Variants in NTRK2 observed in about 807,000 individuals in gnomAD.
NTRK2 encodes BDNF/NT-3 growth factors receptor.
In NTRK2, 13 loss-of-function variants were observed where a neutral mutation model predicts 94.5. That is an observed-to-expected ratio of 0.14 (90% CI 0.09 to 0.22). NTRK2 has a LOEUF of 0.22. Among genes scored for constraint, NTRK2 ranks in the 10% least tolerant of loss-of-function variants. NTRK2 has a pLI of 1.00. For synonymous variants in NTRK2, 372 were observed against 407.4 expected (o/e 0.91, Z 1.05); for missense variants, 639 against 1,071.2 (o/e 0.60, Z 5.63).
chr9:84,742,003 G>T, intron 10 of NTRK2, 76 bp downstream of exon 10: 1 of 1,281,238 alleles, frequency 7.8e-7, no homozygotes. Context: ...ACTGAAAGAA[G>T]ACTCTTCTAA....
intron 14 of NTRK2, chr9:84,873,997 A>ATT (rs2075971346): frequency 9.4e-7 from 1 of 1,063,882 alleles, no homozygotes; most frequent in Non-Finnish European, 1.1e-6. Flanking sequence ...ATTTCAGTCC[A>ATT]ATTTCACCAA....
In NTRK2 at chr9:84,724,221, T is replaced by C. The variant is rs1470340994; in HGVS notation, c.721-3T>C. The C allele has an allele frequency of 1.2e-6, 2 of 1,613,998 alleles. No homozygotes were observed. The highest frequency in any genetic ancestry group is 2.2e-5 in the East Asian group (1 of 44,896). On this transcript the variant is annotated splice_region_variant and splice_polypyrimidine_tract_variant and intron_variant, in intron 7 of 18. Transcript: ENST00000277120. ...TTATTTTTGTCTGTTAATTCATTTG[T>C]AGAATGAAACAAGCCACACACAGGG...
At chr9:84,825,022 G>A (rs146950672) in intron 12 of NTRK2, among the ~76,000 whole-genome samples, 18 of 150,374 alleles carry the variant, frequency 1.2e-4, no homozygotes, top group East Asian at 3.9e-4. Context: ...AGTTCATCAC[G>A]TGTTCCCAGA....
rs887533198 is a variant in NTRK2, at chr9:85,026,726, A to G, written c.*5289A>G. 1.3e-5 allele frequency: 3 copies of G among 232,940 alleles called. No homozygotes were observed. The highest frequency in any genetic ancestry group is 1.2e-3 in the Middle Eastern group (1 of 804). 14.4% of individuals were successfully genotyped at this position (232,940 alleles called of 1,614,324 possible). On this transcript the variant is annotated 3_prime_UTR_variant, in exon 19 of 19. Transcript: ENST00000277120. ...CCAGGCCGTATACACACACATTTCC[A>G]TATCTCTCTACAGATATATTTCCCC...
intron 14 of NTRK2, among the ~76,000 whole-genome samples, chr9:84,921,078 T>C (rs369679232): frequency 9.2e-5 from 14 of 152,196 alleles, no homozygotes; most frequent in African/African-American, 3.4e-4. Flanking sequence ...TCACTGAAGC[T>C]CTCCCAGGAG....
At chr9:84,719,713 A>G (rs964883159) in intron 6 of NTRK2, among the ~76,000 whole-genome samples, 1 of 152,060 alleles carries the variant, frequency 6.6e-6, no homozygotes, top group Non-Finnish European at 1.5e-5. Context: ...AGATAAATCT[A>G]TAAATATAGA....
intron 17 of NTRK2, among the ~76,000 whole-genome samples, chr9:85,005,745 A>G (rs1564543944): frequency 6.6e-6 from 1 of 152,074 alleles, no homozygotes; most frequent in Non-Finnish European, 1.5e-5. Flanking sequence ...CCTCTTCCCA[A>G]TGTTTGCATG....
At chr9:84,985,548 G>A (rs974698814) in intron 17 of NTRK2, among the ~76,000 whole-genome samples, 1 of 152,184 alleles carries the variant, frequency 6.6e-6, no homozygotes, top group African/African-American at 2.4e-5. Context: ...GACCTATTAA[G>A]AGTGATATCT....
chr9:84,673,234 T>C (rs2058812266), intron 2 of NTRK2, among the ~76,000 whole-genome samples: 1 of 152,214 alleles, frequency 6.6e-6, no homozygotes, highest in Non-Finnish European at 1.5e-5. Context: ...GAATTCTGCT[T>C]TTTTGACCTA....
chr9:84,834,765 C>A (rs1218963344), intron 12 of NTRK2, among the ~76,000 whole-genome samples: 1 of 152,150 alleles, frequency 6.6e-6, no homozygotes, highest in Non-Finnish European at 1.5e-5. Context: ...ACAGGGCCAC[C>A]TTCATGGGAC....
At chr9:84,739,477 G>A (rs533223877) in intron 9 of NTRK2, among the ~76,000 whole-genome samples, 8 of 152,278 alleles carry the variant, frequency 5.3e-5, no homozygotes, top group East Asian at 3.9e-4. Context: ...TAGGGGCTTC[G>A]TGTGGGTAGT....
chr9:84,848,713 C>T (rs1416730860), intron 12 of NTRK2, among the ~76,000 whole-genome samples: 1 of 152,018 alleles, frequency 6.6e-6, no homozygotes, highest in African/African-American at 2.4e-5. Context: ...TCATGTATTC[C>T]AACATACCCG....
chr9:84,992,727 G>A (rs537397689), intron 17 of NTRK2, among the ~76,000 whole-genome samples: 1 of 152,122 alleles, frequency 6.6e-6, no homozygotes, highest in East Asian at 1.9e-4. Context: ...CTGTAGTCAA[G>A]TTAATTGCAA....
intron 2 of NTRK2, among the ~76,000 whole-genome samples, chr9:84,686,477 T>C (rs1283313631): frequency 6.6e-6 from 1 of 152,212 alleles, no homozygotes; most frequent in East Asian, 1.9e-4. Flanking sequence ...ATAATGGATA[T>C]CCTTGTGGAT....
At chr9:84,874,045 A>G (rs41282435) in intron 14 of NTRK2, 41,127 of 1,063,432 alleles carry the variant, frequency 0.039, 887 homozygotes, top group South Asian at 0.064. Context: ...CAGCAGATGG[A>G]GGATCCTAAT....
chr9:84,781,913 A>G (rs2067608308), intron 12 of NTRK2, among the ~76,000 whole-genome samples: 1 of 152,188 alleles, frequency 6.6e-6, no homozygotes, highest in Non-Finnish European at 1.5e-5. Flanking sequence ...AGTCATTTAT[A>G]TCAAGGCTCT....
intron 12 of NTRK2, among the ~76,000 whole-genome samples, chr9:84,827,447 A>G (rs2073259513): frequency 6.6e-6 from 1 of 152,220 alleles, no homozygotes; most frequent in Admixed American, 6.5e-5. Flanking sequence ...TCTGGGTGCC[A>G]CGTGGGAATC....
At chr9:84,750,814 T>C (rs1202029574) in intron 11 of NTRK2, among the ~76,000 whole-genome samples, 1 of 152,184 alleles carries the variant, frequency 6.6e-6, no homozygotes, top group East Asian at 1.9e-4. Flanking sequence ...AGGAGACACA[T>C]AGTGCCGCTG....
chr9:84,970,370 T>TA (rs1296016615), intron 17 of NTRK2, among the ~76,000 whole-genome samples: 2 of 149,146 alleles, frequency 1.3e-5, no homozygotes, highest in South Asian at 2.1e-4. Context: ...GTGCAAAAAA[T>TA]AAAAAAATAA....
Sources: allele counts gnomAD v4.1 joint callset (sites outside exome capture counted in the v4.1 genomes callset), GRCh38; gene constraint gnomAD v4.1.1; transcripts MANE v1.5; gene names NCBI Gene and HGNC (gene_info 2026-07-23, HGNC 2026-07-21).